Variants in SMURF1 observed in about 807,000 individuals in gnomAD.
SMURF1 encodes the protein E3 ubiquitin-protein ligase SMURF1.
In SMURF1, 44 loss-of-function variants were observed where a neutral mutation model predicts 98.0. The ratio of observed to expected loss-of-function variants is 0.45; its 90% confidence interval spans 0.35 to 0.58. SMURF1 has a LOEUF of 0.58. Ranked by LOEUF, SMURF1 falls within the 20% of genes least tolerant of loss-of-function variation. SMURF1 has a pLI of 0.00. For synonymous variants in SMURF1, 396 were observed against 374.9 expected (o/e 1.06, Z -0.65); for missense variants, 687 against 938.4 (o/e 0.73, Z 3.50).
At position 99,058,828 on chromosome 7, in the gene SMURF1, C is replaced by T. The variant is rs1356507987; in HGVS notation, c.204-1277G>A. Among the ~76,000 whole-genome samples, 4 of 152,306 alleles carry T rather than the reference C, an allele frequency of 2.6e-5. No individual in the cohort carries two copies. In the South Asian group the frequency reaches 6.2e-4, roughly 24 times the overall value. Reference sequence around the variant, plus strand: ...TCACAGCCAGGTGCAGTGGCTCACGCCTATAATCCCAGCACTTCAGGAGGC... The same window carrying T: ...TCACAGCCAGGTGCAGTGGCTCACGTCTATAATCCCAGCACTTCAGGAGGC... On this transcript the variant is annotated intron_variant, in intron 3 of 17. Transcript: ENST00000361368.
At position 99,040,255 on chromosome 7, in the gene SMURF1, A is replaced by G. The variant is rs556621283; in HGVS notation, c.1550+123T>C. ...TCCCCTTTTTTTGTTTCAGGTTATA[A>G]TACAATGGCTTCACACACATCCCCA... On this transcript the variant is annotated intron_variant, in intron 13 of 17. Transcript: ENST00000361368. 1.5e-5 allele frequency: 16 copies of G among 1,088,062 alleles called. No individual in the cohort carries two copies. In the South Asian group the frequency reaches 3.5e-4, roughly 24 times the overall value. The allele number at this position is 1,088,062 out of a possible 1,614,324, so 67.4% of individuals were successfully genotyped here.
At chr7:99,054,720 C>T (rs1475787486) in intron 6 of SMURF1, 70 bp downstream of exon 6, 8 of 1,343,068 alleles carry the variant, frequency 6.0e-6, no homozygotes, top group Middle Eastern at 2.0e-4. Context: ...GAGGGAAGGG[C>T]GCTTTCCTAT....
At chr7:99,119,931 G>T (rs1416994708) in intron 1 of SMURF1, among the ~76,000 whole-genome samples, 1 of 152,192 alleles carries the variant, frequency 6.6e-6, no homozygotes, top group Non-Finnish European at 1.5e-5. Flanking sequence ...TGGTGATACG[G>T]TTTGGATATG....
At chr7:99,035,852 G>T (rs1172196134) in intron 15 of SMURF1, 136 bp from the exon 16 acceptor site, 2 of 805,092 alleles carry the variant, frequency 2.5e-6, no homozygotes, top group Non-Finnish European at 3.9e-6. Flanking sequence ...GGCAGATGTT[G>T]AGACAGGAAG....
Position 99,040,529 on chromosome 7 carries a change from C to A in SMURF1, c.1399G>T (p.Gly467Trp). 1.3e-6 allele frequency: 2 copies of A among 1,507,642 alleles called. No homozygotes were observed. Among genetic ancestry groups the A allele is most frequent in the South Asian group, 1.3e-5 (1 of 75,482 alleles). 93.4% of individuals were successfully genotyped at this position (1,507,642 alleles called of 1,614,324 possible). ...PDHLSYFHFV[G>W]RIMGLAVFHG... Reference sequence around the variant, plus strand: ...AACACAGCCAGCCCCATGATCCGCCCCACAAAGTGGAAATAAGACAAGTGG... The same window carrying A: ...AACACAGCCAGCCCCATGATCCGCCACACAAAGTGGAAATAAGACAAGTGG... The change falls in exon 13 of 18, where the codon GGG becomes TGG. Residue 467 changes from glycine to tryptophan, a missense_variant. Around this residue, in one of 2 missense-constraint regions of SMURF1, gnomAD observed 272 missense variants for 430.0 expected, o/e 0.63. Coordinates refer to ENST00000361368, the MANE Select transcript of SMURF1 (RefSeq NM_181349.3).
rs376296933 is a variant in SMURF1 at position 99,143,701 on chromosome 7, C to T, written c.55+25G>A. 40 of 1,542,448 alleles carry T rather than the reference C, an allele frequency of 2.6e-5. No individual in the cohort carries two copies. In the African/African-American group the frequency reaches 5.3e-4, roughly 20 times the overall value. On this transcript the variant is annotated intron_variant, in intron 1 of 17. Transcript: ENST00000361368. ...GGGCGGGCGAGGGGGCGCCGGGGCGCGGGTGGGCCTCCCGCCGGCCGTACC... is the reference window on the plus strand; with the variant it reads ...GGGCGGGCGAGGGGGCGCCGGGGCGTGGGTGGGCCTCCCGCCGGCCGTACC...
At chr7:99,064,163 A>C (rs890898059) in intron 1 of SMURF1, among the ~76,000 whole-genome samples, 3 of 152,160 alleles carry the variant, frequency 2.0e-5, no homozygotes, top group African/African-American at 7.2e-5. Context: ...CGCTATATTC[A>C]GTTTGCTAGT....
intron 1 of SMURF1, among the ~76,000 whole-genome samples, chr7:99,124,002 A>G (rs1156848630): frequency 6.6e-6 from 1 of 152,224 alleles, no homozygotes. Flanking sequence ...GATGAAGCAC[A>G]TGATTTGGCC....
intron 1 of SMURF1, among the ~76,000 whole-genome samples, chr7:99,112,485 G>T (rs1797346248): frequency 6.6e-6 from 1 of 152,126 alleles, no homozygotes; most frequent in Admixed American, 6.5e-5. Flanking sequence ...AATGAACAAG[G>T]CATAGCTATA....
intron 10 of SMURF1, among the ~76,000 whole-genome samples, chr7:99,047,273 A>G (rs1795613784): frequency 6.6e-6 from 1 of 152,186 alleles, no homozygotes; most frequent in African/African-American, 2.4e-5. Flanking sequence ...GAGAGGAGGG[A>G]GACTACCTGG....
intron 1 of SMURF1, among the ~76,000 whole-genome samples, chr7:99,107,700 G>A (rs1797223608): frequency 1.3e-5 from 2 of 152,192 alleles, no homozygotes; most frequent in African/African-American, 4.8e-5. Context: ...ACAGTTACAG[G>A]AAGCAAGAAA....
chr7:99,061,724 TC>T, intron 2 of SMURF1, 74 bp downstream of exon 2: 4 of 1,221,886 alleles, frequency 3.3e-6, no homozygotes, highest in Non-Finnish European at 4.7e-6. Flanking sequence ...ATATACCCAA[TC>T]TTTTTTTAAA....
At position 99,030,564 on chromosome 7, in the gene SMURF1, CTG is replaced by C. The variant is rs1562993347; in HGVS notation, c.*18_*19del. The C allele has an allele frequency of 6.2e-7, 1 of 1,610,880 alleles. No homozygotes were observed. The highest frequency in any genetic ancestry group is 1.1e-5 in the South Asian group (1 of 90,962). ...TGGTCTGGTGGCCATGAGCTAGACTCTGTTGCCTTTGGTTGCTTTTCACTCCA... is the reference window on the plus strand; with the variant it reads ...TGGTCTGGTGGCCATGAGCTAGACTCTTGCCTTTGGTTGCTTTTCACTCCA... On this transcript the variant is annotated 3_prime_UTR_variant, in exon 18 of 18. Transcript: ENST00000361368.
At chr7:99,034,701 G>A (rs780674398) in intron 16 of SMURF1, among the ~76,000 whole-genome samples, 2 of 152,160 alleles carry the variant, frequency 1.3e-5, no homozygotes, top group South Asian at 2.1e-4. Flanking sequence ...TCCCAGATAC[G>A]AGCGGGGCTC....
chr7:99,032,378 A>G (rs1303560742), intron 17 of SMURF1, among the ~76,000 whole-genome samples: 2 of 152,254 alleles, frequency 1.3e-5, no homozygotes, highest in African/African-American at 2.4e-5. Context: ...GCTTTAAAAA[A>G]TAACATGAGG....
At chr7:99,032,698 ATATT>A (rs1168090143) in intron 17 of SMURF1, among the ~76,000 whole-genome samples, 3 of 152,296 alleles carry the variant, frequency 2.0e-5, no homozygotes, top group African/African-American at 7.2e-5. Flanking sequence ...GAGAAAATCT[ATATT>A]TAAATTTTAG....
Position 99,038,835 on chromosome 7 carries a change from G to T in SMURF1, c.1551-310C>A, listed in dbSNP as rs535450249. On this transcript the variant is annotated intron_variant, in intron 13 of 17. Coordinates refer to ENST00000361368, the MANE Select transcript of SMURF1 (RefSeq NM_181349.3). ...TTGTAAGCAGTGTGGGAGTCAAAAG[G>T]CAGGAACGTGAAGAGGTACCAGGGT... 5.3e-5 allele frequency among the ~76,000 whole-genome samples: 8 copies of T among 152,254 alleles called. No homozygotes were observed. In the East Asian group the frequency reaches 1.5e-3, roughly 29 times the overall value.
intron 1 of SMURF1, among the ~76,000 whole-genome samples, chr7:99,068,080 G>C (rs1385636651): frequency 6.6e-6 from 1 of 152,196 alleles, no homozygotes. Context: ...TCTCTAGCCT[G>C]TGGCTAGAAA....
Position 99,030,560 on chromosome 7 carries a change from G to C in SMURF1, c.*24C>G. Reference sequence around the variant, plus strand: ...CTTTTGGTCTGGTGGCCATGAGCTAGACTCTGTTGCCTTTGGTTGCTTTTC... The same window carrying C: ...CTTTTGGTCTGGTGGCCATGAGCTACACTCTGTTGCCTTTGGTTGCTTTTC... On this transcript the variant is annotated 3_prime_UTR_variant, in exon 18 of 18. Coordinates refer to ENST00000361368, the MANE Select transcript of SMURF1 (RefSeq NM_181349.3). The C allele has an allele frequency of 6.2e-7, 1 of 1,606,900 alleles. No homozygotes were observed. Among genetic ancestry groups the C allele is most frequent in the Non-Finnish European group, 8.5e-7 (1 of 1,173,582 alleles).
Sources: gnomAD v4.1 joint callset for allele counts (sites outside exome capture counted in the v4.1 genomes callset) on GRCh38, gnomAD v4.1.1 for gene constraint, gnomAD v4.1.1 regional missense constraint, MANE v1.5 for transcripts, NCBI Gene and HGNC (gene_info 2026-07-23, HGNC 2026-07-21) for gene names.